The following BRCA2 variants were observed in gnomAD, a reference collection of about 807,000 sequenced individuals.
BRCA2 encodes the protein BRCA2 DNA repair associated.
In BRCA2, 203 loss-of-function variants were observed where a neutral mutation model predicts 276.7. The observed-to-expected ratio is 0.73, with a 90% CI of 0.65 to 0.82. BRCA2 has a LOEUF of 0.82. Among genes scored for constraint, BRCA2 ranks in the 40% least tolerant of loss-of-function variants. BRCA2 has a pLI of 0.00. For missense variants in BRCA2, 3,920 were observed against 3,915.0 expected (o/e 1.00, Z -0.03); for synonymous variants, 1,289 against 1,338.4 (o/e 0.96, Z 0.81).
In BRCA2 at chr13:32,336,900, G is replaced by T. The variant is rs786202105; in HGVS notation, c.2545G>T (p.Val849Leu). 1 of 1,608,558 alleles carries T rather than the reference G, an allele frequency of 6.2e-7. No homozygotes were observed. Among genetic ancestry groups the T allele is most frequent in the African/African-American group, 1.3e-5 (1 of 74,564 alleles). Residue 849 changes from valine to leucine, a missense_variant, in exon 11 of 27, where the codon GTA becomes TTA. This residue lies in a region of BRCA2 where 3,263 missense variants were observed against 3,156.9 expected (regional missense o/e 1.03). Coordinates refer to ENST00000380152, the MANE Select transcript of BRCA2 (RefSeq NM_000059.4). ...GAGAGTAGCATCACCTTCAAGAAAG[G>T]TACAATTCAACCAAAACACAAATCT... ...YMRVASPSRK[V>L]QFNQNTNLRV...
At chr13:32,392,589 CAAAAA>C (rs10577567) in intron 24 of BRCA2, among the ~76,000 whole-genome samples, 5 of 133,952 alleles carry the variant, frequency 3.7e-5, no homozygotes, top group African/African-American at 1.1e-4. Context: ...GACTGCGTCT[CAAAAA>C]AAAAAAAAAA....
intron 24 of BRCA2, among the ~76,000 whole-genome samples, chr13:32,388,593 G>T (rs999279916): frequency 3.3e-5 from 5 of 151,262 alleles, no homozygotes; most frequent in Non-Finnish European, 7.4e-5. Context: ...GCTAATATAA[G>T]TGTTCTGAAC....
At position 32,319,059 on chromosome 13, in the gene BRCA2, G is replaced by T. The variant is rs1555280319; in HGVS notation, c.68-18G>T. 1 of 1,611,182 alleles carries T rather than the reference G, an allele frequency of 6.2e-7. No individual in the cohort carries two copies. The highest frequency in any genetic ancestry group is 2.2e-5 in the East Asian group (1 of 44,848). On this transcript the variant is annotated intron_variant, in intron 2 of 26. Coordinates refer to ENST00000380152, the MANE Select transcript of BRCA2 (RefSeq NM_000059.4). ...CTGTCACTGGTTAAAACTAAGGTGG[G>T]ATTTTTTTTTTAAATAGATTTAGGA...
intron 7 of BRCA2, among the ~76,000 whole-genome samples, chr13:32,328,081 A>G: frequency 6.6e-6 from 1 of 152,160 alleles, no homozygotes; most frequent in East Asian, 1.9e-4. Context: ...TAAACATACA[A>G]GTTTAAAGAA....
intron 7 of BRCA2, among the ~76,000 whole-genome samples, chr13:32,327,672 CAA>C (rs760842499): frequency 1.0e-4 from 12 of 119,936 alleles, no homozygotes; most frequent in Admixed American, 8.5e-5. Context: ...GACTCTGTCT[CAA>C]AAAAAAAAAA....
At position 32,380,066 on chromosome 13, in the gene BRCA2, A is replaced by C. The variant is rs201561974; in HGVS notation, c.9177A>C (p.Lys3059Asn). The C allele has an allele frequency of 6.2e-7, 1 of 1,614,116 alleles. No individual in the cohort carries two copies. Among genetic ancestry groups the C allele is most frequent in the Non-Finnish European group, 8.5e-7 (1 of 1,179,982 alleles). The change falls in exon 24 of 27, where the codon AAA becomes AAC. Residue 3059 changes from lysine (K) to asparagine (N), a missense_variant. By Grantham distance (94) the Lys-to-Asn change is moderately conservative. This residue lies in a region of BRCA2 where 657 missense variants were observed against 758.2 expected (regional missense o/e 0.87). Coordinates refer to ENST00000380152, the MANE Select transcript of BRCA2 (RefSeq NM_000059.4). Reference sequence around the variant, plus strand: ...CACGGGAGCCCCTTCACTTCAGCAAATTTTTAGATCCAGACTTTCAGCCAT... The same window carrying C: ...CACGGGAGCCCCTTCACTTCAGCAACTTTTTAGATCCAGACTTTCAGCCAT... ...YQPREPLHFSKFLDPDFQPSC... is the reference protein window; with the variant it reads ...YQPREPLHFSNFLDPDFQPSC...
chr13:32,382,409 G>A (rs981900774), intron 24 of BRCA2, among the ~76,000 whole-genome samples: 6 of 152,216 alleles, frequency 3.9e-5, no homozygotes, highest in African/African-American at 1.4e-4. Context: ...AAAAGAAACA[G>A]AGGAATGGCC....
intron 24 of BRCA2, among the ~76,000 whole-genome samples, chr13:32,381,677 A>G (rs2072925146): frequency 6.6e-6 from 1 of 152,070 alleles, no homozygotes; most frequent in African/African-American, 2.4e-5. Context: ...TCCTGTGATG[A>G]CAGGAAGTCA....
chr13:32,343,048 G>GA (rs398022213), intron 11 of BRCA2, among the ~76,000 whole-genome samples: 6,227 of 142,110 alleles, frequency 0.044, 218 homozygotes, highest in South Asian at 0.14. Flanking sequence ...GACTCCATCT[G>GA]AAAAAAAAAA....
intron 24 of BRCA2, among the ~76,000 whole-genome samples, chr13:32,382,466 GA>G (rs1164473319): frequency 6.6e-6 from 1 of 152,122 alleles, no homozygotes; most frequent in Non-Finnish European, 1.5e-5. Flanking sequence ...AAAGCCAAGA[GA>G]AAAAAAGAAT....
chr13:32,362,384 T>C (rs1230608860), intron 16 of BRCA2, 139 bp from the exon 17 acceptor site: 1 of 807,564 alleles, frequency 1.2e-6, no homozygotes, highest in Non-Finnish European at 2.0e-6. Flanking sequence ...TTTCTGAAAT[T>C]ATATTGTAGA....
Position 32,340,244 on chromosome 13 carries a change from G to A in BRCA2, c.5889G>A (p.Gly1963=), listed in dbSNP as rs1336548416. 6.2e-7 allele frequency: 1 copy of A among 1,613,990 alleles called. No individual in the cohort carries two copies. The highest frequency in any genetic ancestry group is 8.5e-7 in the Non-Finnish European group (1 of 1,179,918). The part of the protein sequence containing the change: ...ETSDICKCSI[G]KLHKSVSSAN... ...CAGATATATGTAAATGTAGTATAGG[G>A]AAGCTTCATAAGTCAGTCTCATCTG... The change falls in exon 11 of 27, where the codon GGG becomes GGA. Residue 1963 remains glycine, a synonymous_variant. Transcript: ENST00000380152.
At chr13:32,370,266 C>T (rs978078133) in intron 18 of BRCA2, 136 bp from the exon 19 acceptor site, 9 of 785,624 alleles carry the variant, frequency 1.1e-5, no homozygotes, top group Non-Finnish European at 1.6e-5. Context: ...TATTTACTGT[C>T]TTACTAATCT....
chr13:32,370,466 G>A lies in BRCA2; in HGVS notation c.8396G>A (p.Arg2799Lys), dbSNP rs397507982. 2 of 1,613,836 alleles carry A rather than the reference G, an allele frequency of 1.2e-6. No homozygotes were observed. Among genetic ancestry groups the A allele is most frequent in the Non-Finnish European group, 1.7e-6 (2 of 1,179,780 alleles). ...YTKLGFFPDPRPFPLPLSSLF... is the reference protein window; with the variant it reads ...YTKLGFFPDPKPFPLPLSSLF... ...AAACTTGGATTCTTTCCTGACCCTA[G>A]ACCTTTTCCTCTGCCCTTATCATCG... Residue 2799 changes from arginine (R) to lysine (K), a missense_variant, in exon 19 of 27, where the codon AGA (arginine) becomes AAA (lysine). Arg to Lys is a conservative substitution (Grantham distance 26). Coordinates refer to ENST00000380152, the MANE Select transcript of BRCA2 (RefSeq NM_000059.4).
rs55939370 is a variant in BRCA2, at chr13:32,345,941, T to A, written c.6938-886T>A. On this transcript the variant is annotated intron_variant, in intron 12 of 26. Transcript: ENST00000380152. ...CAACCCATATATTATTAAGAATGTT[T>A]AGTCAAAATACTGTGTTCAAATGTC... Among the ~76,000 whole-genome samples the A allele has an allele frequency of 2.7e-3, 416 of 152,132 alleles. 1 individual carries two copies. The highest frequency in any genetic ancestry group is 5.2e-3 in the Non-Finnish European group (350 of 67,856).
At chr13:32,325,230 C>T (rs2137447322) in intron 4 of BRCA2, 46 bp downstream of exon 4, 1 of 1,337,908 alleles carries the variant, frequency 7.5e-7, no homozygotes, top group East Asian at 2.5e-5. Context: ...AAACATTTTC[C>T]TACATATATT....
At chr13:32,315,956 C>G (rs1458954885) in intron 1 of BRCA2, among the ~76,000 whole-genome samples, 1 of 152,218 alleles carries the variant, frequency 6.6e-6, no homozygotes, top group African/African-American at 2.4e-5. Flanking sequence ...CCAGATGACG[C>G]CATCTGAAAT....
intron 13 of BRCA2, among the ~76,000 whole-genome samples, chr13:32,348,045 A>G (rs1566238275): frequency 6.6e-6 from 1 of 152,046 alleles, no homozygotes; most frequent in Non-Finnish European, 1.5e-5. Flanking sequence ...TCAGGTAAGA[A>G]AAGAAAAAAT....
intron 2 of BRCA2, 36 bp downstream of exon 2, chr13:32,316,563 C>A (rs2138698844): frequency 6.4e-7 from 1 of 1,564,556 alleles, no homozygotes; most frequent in Non-Finnish European, 8.8e-7. Flanking sequence ...ATAAATTACA[C>A]CGAGAAAGTG....
Sources: gnomAD v4.1 joint callset for allele counts (sites outside exome capture counted in the v4.1 genomes callset) on GRCh38, gnomAD v4.1.1 for gene constraint, gnomAD v4.1.1 regional missense constraint, MANE v1.5 for transcripts, NCBI Gene and HGNC (gene_info 2026-07-23, HGNC 2026-07-21) for gene names.